The following GSTA5 variants were observed in gnomAD, a reference collection of about 807,000 sequenced individuals.
The protein encoded by GSTA5 is glutathione S-transferase A5.
A neutral mutation model predicts 21.8 loss-of-function variants in GSTA5; 25 were observed. That is an observed-to-expected ratio of 1.14 (90% CI 0.83 to 1.60). The LOEUF is 1.60. GSTA5 is among the 40% of genes most tolerant of loss of function. GSTA5 has a pLI of 0.00. For synonymous variants in GSTA5, 102 were observed against 89.5 expected (o/e 1.14, Z -0.78); for missense variants, 330 against 259.2 (o/e 1.27, Z -1.88).
chr6:52,834,375 G>A (rs189340094), intron 3 of GSTA5, 93 bp from the exon 4 acceptor site: 104 of 1,276,374 alleles, frequency 8.1e-5, no homozygotes, highest in Non-Finnish European at 1.1e-4. Context: ...TCAGATGGTG[G>A]CAAAGTAATT....
In GSTA5 at chr6:52,836,229, A is replaced by G. The variant is rs2127324029; in HGVS notation, c.272+7T>C. On this transcript the variant is annotated splice_region_variant and intron_variant, in intron 3 of 5. Transcript: ENST00000370989. ...CTGTGGATGGAAGAACAGAAAATATACCATACAGGGCTCTCTCCTTCATGT... is the reference window on the plus strand; with the variant it reads ...CTGTGGATGGAAGAACAGAAAATATGCCATACAGGGCTCTCTCCTTCATGT... 1 of 1,612,218 alleles carries G rather than the reference A, an allele frequency of 6.2e-7. No homozygotes were observed.
At chr6:52,838,638 A>T (rs1764325144) in intron 1 of GSTA5, among the ~76,000 whole-genome samples, 1 of 152,224 alleles carries the variant, frequency 6.6e-6, no homozygotes, top group Admixed American at 6.5e-5. Flanking sequence ...TACAGATATG[A>T]AATTCAGTTA....
upstream of GSTA5, among the ~76,000 whole-genome samples, chr6:52,843,111 A>G (rs1006153554): frequency 6.6e-6 from 1 of 152,138 alleles, no homozygotes; most frequent in African/African-American, 2.4e-5. Context: ...ATAGTATTCC[A>G]TGGTGTATAT....
At position 52,835,275 on chromosome 6, in the gene GSTA5, G is replaced by C. The variant is rs183458789; in HGVS notation, c.272+961C>G. 2.3e-4 allele frequency among the ~76,000 whole-genome samples: 35 copies of C among 152,198 alleles called. No individual in the cohort carries two copies. In the East Asian group the frequency reaches 6.6e-3, roughly 29 times the overall value. On this transcript the variant is annotated intron_variant, in intron 3 of 5. Transcript: ENST00000370989. ...ATACAAAAAGAATCCTATAATACTT[G>C]GCCTTCTGTGTCTTGTGTATTTTAT...
At chr6:52,832,871 G>A (rs762267843) in exon 5 of GSTA5, 7 of 1,613,874 alleles carry the variant, frequency 4.3e-6, no homozygotes, top group Non-Finnish European at 5.9e-6. Context: ...TCAGCAGAGG[G>A]AAGCTGGAGA....
rs778816311 is a variant in GSTA5 at position 52,840,786 on chromosome 6, A to G, written c.28T>C (p.Ser10Pro). ...GACTCCATACTGCCCCGTGCATTGG[A>G]GTAGTGGAGCTTGGGCTTCTCTGCC... The change falls in exon 1 of 6, where the codon TCC becomes CCC. Residue 10 changes from serine to proline, a missense_variant. Coordinates refer to ENST00000370989, the Ensembl canonical transcript of GSTA5. 15 of 1,613,954 alleles carry G rather than the reference A, an allele frequency of 9.3e-6. No homozygotes were observed. The East Asian group carries it at 3.1e-4, about 34-fold the overall frequency.
exon 3 of GSTA5, chr6:52,836,362 C>T (rs369195555): frequency 5.6e-6 from 9 of 1,613,176 alleles, no homozygotes; most frequent in East Asian, 2.2e-5. Flanking sequence ...GAACAGCAAA[C>T]TCCCATCTTA....
intron 5 of GSTA5, 123 bp from the exon 6 acceptor site, chr6:52,832,093 T>C: frequency 2.2e-6 from 3 of 1,372,418 alleles, no homozygotes; most frequent in East Asian, 2.4e-5. Context: ...AGTACCAGCA[T>C]GGAGGCAGAA....
chr6:52,833,213 T>A (rs115963046), intron 4 of GSTA5, among the ~76,000 whole-genome samples: 1,792 of 152,274 alleles, frequency 0.012, 35 homozygotes, highest in African/African-American at 0.04. Context: ...TCTCTTCTCA[T>A]CCACATCACT....
chr6:52,845,765 T>C (rs1242236497), upstream of GSTA5, among the ~76,000 whole-genome samples: 1 of 152,232 alleles, frequency 6.6e-6, no homozygotes, highest in Non-Finnish European at 1.5e-5. Flanking sequence ...CTGATTATTC[T>C]CAGATTGTTT....
chr6:52,840,911 C>T, upstream of GSTA5: 1 of 1,077,592 alleles, frequency 9.3e-7, no homozygotes, highest in Non-Finnish European at 1.4e-6. Context: ...TGGTTGAAAA[C>T]CACAAACAAT....
upstream of GSTA5, among the ~76,000 whole-genome samples, chr6:52,842,408 T>TTC (rs1554148212): frequency 2.0e-5 from 3 of 149,872 alleles, no homozygotes; most frequent in South Asian, 4.2e-4. Context: ...ATGTATTTCT[T>TTC]TTTTTTTTTT....
chr6:52,843,338 C>T (rs1764409298), upstream of GSTA5, among the ~76,000 whole-genome samples: 1 of 152,166 alleles, frequency 6.6e-6, no homozygotes, highest in Non-Finnish European at 1.5e-5. Flanking sequence ...CTGTCTTCCA[C>T]AATGGTTGAA....
exon 6 of GSTA5, chr6:52,831,767 T>G: frequency 6.5e-7 from 1 of 1,531,012 alleles, no homozygotes; most frequent in South Asian, 1.2e-5. Flanking sequence ...AGAGGCACAA[T>G]CCACACTTAG....
At chr6:52,831,762 C>T (rs1204607566) in exon 6 of GSTA5, 3 of 1,488,510 alleles carry the variant, frequency 2.0e-6, no homozygotes, top group East Asian at 4.6e-5. Flanking sequence ...TTACAAGAGG[C>T]ACAATCCACA....
At chr6:52,842,556 C>T (rs1764393675), upstream of GSTA5, among the ~76,000 whole-genome samples, 1 of 151,994 alleles carries the variant, frequency 6.6e-6, no homozygotes, top group African/African-American at 2.4e-5. Flanking sequence ...CCAGCACATG[C>T]CACCACACCT....
chr6:52,843,176 A>C (rs1764405934), upstream of GSTA5, among the ~76,000 whole-genome samples: 3 of 152,140 alleles, frequency 2.0e-5, no homozygotes, highest in South Asian at 6.2e-4. Flanking sequence ...GTTGGTTCCA[A>C]GTCTTTGCTA....
chr6:52,832,880 G>C, exon 5 of GSTA5: 1 of 1,614,050 alleles, frequency 6.2e-7, no homozygotes, highest in Middle Eastern at 1.7e-4. Context: ...GGAAGCTGGA[G>C]ATAAGACTCG....
chr6:52,836,118 A>C, intron 3 of GSTA5, 118 bp downstream of exon 3: 2 of 1,113,694 alleles, frequency 1.8e-6, no homozygotes, highest in Non-Finnish European at 1.3e-6. Context: ...CTCAGCGTGC[A>C]TCCTCAAGAC....
Sources: allele counts gnomAD v4.1 joint callset (sites outside exome capture counted in the v4.1 genomes callset), GRCh38; gene constraint gnomAD v4.1.1; transcripts MANE v1.5; gene names NCBI Gene and HGNC (gene_info 2026-07-23, HGNC 2026-07-21).